SHOC1: variants seen among roughly 807,000 people sequenced by gnomAD.
SHOC1 encodes the protein shortage in chiasmata 1.
Under a neutral mutation model 179.2 loss-of-function variants are expected in SHOC1, and 136 were observed. The observed-to-expected ratio is 0.76, with a 90% confidence interval of 0.66 to 0.87. SHOC1 has a LOEUF of 0.87. SHOC1 is among the 40% of genes least tolerant of loss of function. The probability of loss-of-function intolerance (pLI) is 0.00; values close to 1 mark genes in which losing one functional copy is unlikely to be tolerated. For synonymous variants in SHOC1, 489 were observed against 586.6 expected (o/e 0.83, Z 2.41); for missense variants, 1,538 against 1,700.8 (o/e 0.90, Z 1.68).
Position 111,714,633 on chromosome 9 carries a change from C to T in SHOC1, c.2237-10G>A. ...GCCTTCGACAAATATCCTATTGAAG[C>T]AAAATTAGAAAAAAATTGTCTAAGT... On this transcript the variant is annotated splice_polypyrimidine_tract_variant and intron_variant, in intron 16 of 27. Transcript: ENST00000682961. The T allele has an allele frequency of 3.8e-6, 6 of 1,586,030 alleles. No individual in the cohort carries two copies. Among genetic ancestry groups the T allele is most frequent in the Non-Finnish European group, 5.1e-6 (6 of 1,171,524 alleles).
At chr9:111,739,886 G>C (rs1833958981) in intron 11 of SHOC1, among the ~76,000 whole-genome samples, 1 of 122,068 alleles carries the variant, frequency 8.2e-6, no homozygotes, top group Non-Finnish European at 1.8e-5. Context: ...AGCACGAGTT[G>C]AAGTACATTC....
rs759206550 is a variant in SHOC1, at chr9:111,686,872, T to C, written c.4427-2A>G. 1.9e-6 allele frequency: 3 copies of C among 1,597,936 alleles called. No individual in the cohort carries two copies. The highest frequency in any genetic ancestry group is 2.6e-6 in the Non-Finnish European group (3 of 1,167,978). On this transcript the variant is annotated splice_acceptor_variant, in intron 27 of 27. Coordinates refer to ENST00000682961, the MANE Select transcript of SHOC1 (RefSeq NM_001378211.1). LOFTEE classifies it high-confidence loss of function. ...GTGGTAGTTGTGAGCACATAAAACC[T>C]GTTAAAAGGAGAAAAAGGAAAACCA...
At position 111,746,230 on chromosome 9, in the gene SHOC1, T is replaced by C; in HGVS notation, c.1079+4A>G. On this transcript the variant is annotated splice_donor_region_variant and intron_variant, in intron 10 of 27. Transcript: ENST00000682961. ...CATGGGTTCTAGATATAATCTTTAC[T>C]TACATTTTACAAACCGGAGATAATG... 6.4e-7 allele frequency: 1 copy of C among 1,553,374 alleles called. No homozygotes were observed. The highest frequency in any genetic ancestry group is 8.9e-7 in the Non-Finnish European group (1 of 1,125,300).
chr9:111,715,958 T>C (rs1832765338), intron 16 of SHOC1, among the ~76,000 whole-genome samples: 1 of 151,816 alleles, frequency 6.6e-6, no homozygotes, highest in Admixed American at 6.6e-5. Context: ...AACTGGAAGC[T>C]AGGAGAAAAC....
chr9:111,776,651 G>A (rs1272738096), intron 4 of SHOC1, among the ~76,000 whole-genome samples: 4 of 152,174 alleles, frequency 2.6e-5, no homozygotes, highest in South Asian at 2.1e-4. Context: ...AAAGGTGAGG[G>A]AGACAGGTTG....
chr9:111,711,508 C>A (rs1832548210), intron 18 of SHOC1, among the ~76,000 whole-genome samples: 2 of 151,990 alleles, frequency 1.3e-5, no homozygotes. Context: ...TGAGTTTTTT[C>A]TTTTTTACCA....
intron 1 of SHOC1, 107 bp from the exon 2 acceptor site, chr9:111,791,561 G>A: frequency 2.4e-6 from 1 of 420,546 alleles, no homozygotes; most frequent in East Asian, 3.7e-5. Flanking sequence ...GGCTCTGAAT[G>A]ATAATCATTG....
rs201511468 is a variant in SHOC1 at position 111,743,212 on chromosome 9, CCTT to C, written c.1080-1645_1080-1643del. ...TACAATAACATTCTTTGTTATTTTT[CCTT>C]CTTTTTTTCAAAAAAATTTTAACAC... On this transcript the variant is annotated intron_variant, in intron 10 of 27. Coordinates refer to ENST00000682961, the MANE Select transcript of SHOC1 (RefSeq NM_001378211.1). 4.3e-3 allele frequency among the ~76,000 whole-genome samples: 655 copies of C among 152,076 alleles called. 15 individuals are homozygous for C. The highest frequency in any genetic ancestry group is 0.034 in the Admixed American group (525 of 15,270).
intron 18 of SHOC1, among the ~76,000 whole-genome samples, chr9:111,709,305 G>A (rs1245274698): frequency 6.6e-6 from 1 of 152,232 alleles, no homozygotes. Context: ...TCGTGCCATT[G>A]CACTCCAGCC....
chr9:111,729,669 C>T (rs1254754779), intron 12 of SHOC1, among the ~76,000 whole-genome samples: 1 of 152,030 alleles, frequency 6.6e-6, no homozygotes, highest in South Asian at 2.1e-4. Flanking sequence ...CCGAGGCAGG[C>T]GGATCATGAG....
intron 17 of SHOC1, 42 bp from the exon 18 acceptor site, chr9:111,713,214 T>G: frequency 9.1e-7 from 1 of 1,093,456 alleles, no homozygotes; most frequent in Non-Finnish European, 1.3e-6. Context: ...GGATGATTAT[T>G]CTTTTTCACA....
In SHOC1 at chr9:111,774,078, C is replaced by G. The variant is rs1258884322; in HGVS notation, c.442+1713G>C. On this transcript the variant is annotated intron_variant, in intron 5 of 27. Transcript: ENST00000682961. Reference sequence around the variant, plus strand: ...AAATTCAAGCATATTTTCTCTCAGTCAATAGTTGATTCTAGCCGACAGTAG... The same window carrying G: ...AAATTCAAGCATATTTTCTCTCAGTGAATAGTTGATTCTAGCCGACAGTAG... Among the ~76,000 whole-genome samples, 3 of 152,104 alleles carry G rather than the reference C, an allele frequency of 2.0e-5. No individual in the cohort carries two copies. In the East Asian group the frequency reaches 5.8e-4, roughly 29 times the overall value.
chr9:111,742,068 C>A (rs1316743938), intron 10 of SHOC1, among the ~76,000 whole-genome samples: 1 of 152,174 alleles, frequency 6.6e-6, no homozygotes, highest in Non-Finnish European at 1.5e-5. Context: ...TTCCTCCATC[C>A]TTGGGAAAGT....
chr9:111,700,487 G>C (rs1011262387), intron 23 of SHOC1, among the ~76,000 whole-genome samples: 1 of 152,084 alleles, frequency 6.6e-6, no homozygotes, highest in Non-Finnish European at 1.5e-5. Flanking sequence ...TCCTTCTGTG[G>C]TTACTAAGCA....
Position 111,723,898 on chromosome 9 carries a change from AC to A in SHOC1, c.1847del (p.Cys616PhefsTer3), listed in dbSNP as rs1833181571. 6.5e-7 allele frequency: 1 copy of A among 1,550,030 alleles called. No homozygotes were observed. Among genetic ancestry groups the A allele is most frequent in the African/African-American group, 1.4e-5 (1 of 73,210 alleles). ...GACTTTCTTCTTGAAGTGTCAAAGA[AC>A]ATGCTTCTTTATCTTGAAATTCCAA... ...NSDEKHDKEA[C>X]SLTLQEESPI... is the part of the protein sequence containing the mutation. On this transcript the variant is annotated frameshift_variant, in exon 14 of 28. Coordinates refer to ENST00000682961, the MANE Select transcript of SHOC1 (RefSeq NM_001378211.1). LOFTEE classifies it high-confidence loss of function.
intron 15 of SHOC1, among the ~76,000 whole-genome samples, chr9:111,721,262 T>G (rs1432066395): frequency 6.6e-6 from 1 of 152,204 alleles, no homozygotes; most frequent in Non-Finnish European, 1.5e-5. Context: ...GAATGCAGCA[T>G]AGTAGTCCCT....
intron 22 of SHOC1, among the ~76,000 whole-genome samples, chr9:111,703,026 C>G (rs1025016900): frequency 3.9e-5 from 6 of 152,166 alleles, no homozygotes; most frequent in African/African-American, 1.4e-4. Context: ...AGGAGGATCA[C>G]TCGAGCCCAG....
chr9:111,765,527 T>G (rs1835315126), intron 5 of SHOC1, among the ~76,000 whole-genome samples: 1 of 151,314 alleles, frequency 6.6e-6, no homozygotes. Context: ...GAGGCAGAGG[T>G]TGCAGTGAGC....
At chr9:111,741,600 T>C in intron 10 of SHOC1, 30 bp from the exon 11 acceptor site, 1 of 1,147,896 alleles carries the variant, frequency 8.7e-7, no homozygotes. Flanking sequence ...TTTAATACAT[T>C]AATAATATTG....
Sources: gnomAD v4.1 joint callset for allele counts (sites outside exome capture counted in the v4.1 genomes callset) on GRCh38, gnomAD v4.1.1 for gene constraint, MANE v1.5 for transcripts, NCBI Gene and HGNC (gene_info 2026-07-23, HGNC 2026-07-21) for gene names.